RB1: variants seen among roughly 807,000 people sequenced by gnomAD.
RB1 encodes the protein retinoblastoma-associated protein.
In RB1, 18 loss-of-function variants were observed where a neutral mutation model predicts 135.4. That is an observed-to-expected ratio of 0.13 (90% CI 0.09 to 0.20). RB1 has a LOEUF of 0.20. Ranked by LOEUF, RB1 falls within the 10% of genes least tolerant of loss-of-function variation. The pLI, the probability that RB1 is intolerant of heterozygous loss-of-function variation, is 1.00. For missense variants in RB1, 868 were observed against 1,110.0 expected (o/e 0.78, Z 3.10); for synonymous variants, 365 against 373.2 (o/e 0.98, Z 0.25).
intron 17 of RB1, among the ~76,000 whole-genome samples, chr13:48,443,621 C>T (rs921006358): frequency 6.6e-6 from 1 of 152,110 alleles, no homozygotes; most frequent in Non-Finnish European, 1.5e-5. Context: ...AAGTAAAAGA[C>T]ACATCATTCT....
intron 19 of RB1, among the ~76,000 whole-genome samples, chr13:48,458,163 C>G (rs781444250): frequency 1.5e-4 from 23 of 152,230 alleles, no homozygotes; most frequent in Non-Finnish European, 3.2e-4. Flanking sequence ...CCATCCACGC[C>G]TCTCTGCTGC....
intron 17 of RB1, among the ~76,000 whole-genome samples, chr13:48,422,264 G>A (rs150606452): frequency 1.2e-3 from 187 of 152,180 alleles, no homozygotes; most frequent in African/African-American, 4.2e-3. Context: ...AACTAACACA[G>A]GAACAGAAAA....
At chr13:48,355,239 A>T (rs1416141539) in intron 6 of RB1, among the ~76,000 whole-genome samples, 2 of 152,134 alleles carry the variant, frequency 1.3e-5, no homozygotes, top group Non-Finnish European at 2.9e-5. Flanking sequence ...TAATAATCTG[A>T]CCAAAAAATT....
At chr13:48,373,094 AC>A (rs1033465195) in intron 11 of RB1, among the ~76,000 whole-genome samples, 5 of 152,206 alleles carry the variant, frequency 3.3e-5, no homozygotes, top group African/African-American at 1.2e-4. Flanking sequence ...TTAAAACAAT[AC>A]CATTTTGTTG....
intron 24 of RB1, among the ~76,000 whole-genome samples, chr13:48,474,231 A>G (rs555176003): frequency 3.5e-4 from 53 of 151,962 alleles, no homozygotes; most frequent in Non-Finnish European, 6.3e-4. Flanking sequence ...TCAATTTCCA[A>G]CCCCCTCCCC....
chr13:48,326,736 C>G (rs1318941687), intron 2 of RB1, among the ~76,000 whole-genome samples: 2 of 152,036 alleles, frequency 1.3e-5, no homozygotes, highest in African/African-American at 4.8e-5. Context: ...GAGCAGTTAC[C>G]ACCAATAAAA....
intron 20 of RB1, among the ~76,000 whole-genome samples, chr13:48,463,432 C>T (rs1322049664): frequency 6.6e-6 from 1 of 152,178 alleles, no homozygotes; most frequent in Admixed American, 6.5e-5. Context: ...ACAAAATTAA[C>T]TGATTCTACT....
rs1949386217 is a variant in RB1, at chr13:48,459,886, A to ATTCATTCTTTCT, written c.2106+56_2106+57insATTCTTTCTTTC. 6 of 1,007,104 alleles carry ATTCATTCTTTCT rather than the reference A, an allele frequency of 6.0e-6. No homozygotes were observed. The African/African-American group carries it at 1.3e-4, about 21-fold the overall frequency. The allele number at this position is 1,007,104 out of a possible 1,614,324, so 62.4% of individuals were successfully genotyped here. A position where few individuals can be genotyped will look rare whatever the true frequency, so the allele number is the denominator to read the frequency against. The stretch of plus-strand genomic sequence containing the variant: ...CTCCTCCCTACTTACTTGTTAACTG[A>ATTCATTCTTTCT]TTCTTTCTTTCTTTCTTTCTTTCTT... On this transcript the variant is annotated intron_variant, in intron 20 of 26. Coordinates refer to ENST00000267163, the MANE Select transcript of RB1 (RefSeq NM_000321.3).
intron 25 of RB1, among the ~76,000 whole-genome samples, 153 bp downstream of exon 25, chr13:48,476,996 T>C (rs1949508400): frequency 6.6e-6 from 1 of 152,190 alleles, no homozygotes; most frequent in Non-Finnish European, 1.5e-5. Flanking sequence ...ATGAGTGTAG[T>C]GCAAAGTTAA....
At chr13:48,460,855 G>A (rs536398256) in intron 20 of RB1, among the ~76,000 whole-genome samples, 3 of 152,136 alleles carry the variant, frequency 2.0e-5, no homozygotes, top group East Asian at 1.9e-4. Flanking sequence ...CAGCTACTTC[G>A]GAGACTGAAC....
At chr13:48,333,325 C>G (rs924086185) in intron 2 of RB1, 3 of 340,572 alleles carry the variant, frequency 8.8e-6, no homozygotes, top group Non-Finnish European at 1.6e-5. Context: ...AATTAATCTC[C>G]TTACTCAATG....
intron 6 of RB1, among the ~76,000 whole-genome samples, chr13:48,355,828 A>G (rs1169881240): frequency 6.6e-6 from 1 of 152,124 alleles, no homozygotes; most frequent in African/African-American, 2.4e-5. Context: ...ACAGAAAGAC[A>G]AACATCACAT....
At chr13:48,462,142 G>A (rs1949409994) in intron 20 of RB1, among the ~76,000 whole-genome samples, 1 of 116,364 alleles carries the variant, frequency 8.6e-6, no homozygotes, top group African/African-American at 3.3e-5. Context: ...ATTTTGTTTT[G>A]AGACATGGTC....
At chr13:48,394,186 A>G (rs1427514947) in intron 17 of RB1, among the ~76,000 whole-genome samples, 1 of 152,194 alleles carries the variant, frequency 6.6e-6, no homozygotes, top group Admixed American at 6.5e-5. Context: ...GGAAGCTGTG[A>G]CAGACTGTGT....
In RB1 at chr13:48,411,610, T is replaced by C. The variant is rs1376984262; in HGVS notation, c.1695+30167T>C. ...GCAATACAGAGAGTGATTGGGTACA[T>C]TGTCCTTACTGCTGCCACTACTGAG... On this transcript the variant is annotated intron_variant, in intron 17 of 26. Coordinates refer to ENST00000267163, the MANE Select transcript of RB1 (RefSeq NM_000321.3). 6.2e-6 allele frequency: 10 copies of C among 1,612,228 alleles called. No individual in the cohort carries two copies. In the South Asian group the frequency reaches 7.7e-5, roughly 12 times the overall value.
At chr13:48,356,232 C>T (rs1952589999) in intron 6 of RB1, among the ~76,000 whole-genome samples, 1 of 151,910 alleles carries the variant, frequency 6.6e-6, no homozygotes, top group African/African-American at 2.4e-5. Context: ...ATGTAATTGT[C>T]ATTCCAGATA....
chr13:48,476,508 T>G, intron 24 of RB1, 193 bp from the exon 25 acceptor site: 1 of 555,960 alleles, frequency 1.8e-6, no homozygotes, highest in Admixed American at 3.1e-5. Context: ...GGTGTTTAAT[T>G]GGGGATGGAA....
intron 14 of RB1, 39 bp from the exon 15 acceptor site, chr13:48,380,014 A>G: frequency 8.3e-7 from 1 of 1,202,034 alleles, no homozygotes; most frequent in Non-Finnish European, 1.1e-6. Flanking sequence ...GGTTTCAATT[A>G]AACAACTTCT....
intron 23 of RB1, among the ~76,000 whole-genome samples, chr13:48,471,495 GCACATGTATA>G (rs1317792814): frequency 1.6e-5 from 2 of 126,834 alleles, no homozygotes; most frequent in African/African-American, 5.8e-5. Flanking sequence ...CACCAGCATG[GCACATGTATA>G]CATATGTAAC....
Sources: gnomAD v4.1 joint callset for allele counts (sites outside exome capture counted in the v4.1 genomes callset) on GRCh38, gnomAD v4.1.1 for gene constraint, MANE v1.5 for transcripts, NCBI Gene and HGNC (gene_info 2026-07-23, HGNC 2026-07-21) for gene names.